Variants in LEMD1 observed in about 807,000 individuals in gnomAD.
LEMD1 encodes LEM domain containing 1, also known as LEM domain-containing protein 1.
LEMD1 carries 18 observed loss-of-function variants against 17.4 expected under a neutral mutation model. That is an observed-to-expected ratio of 1.04 (90% CI 0.72 to 1.54). The LOEUF is 1.54. Among genes scored for constraint, LEMD1 ranks in the 40% most tolerant of loss-of-function variants. The pLI is 0.00. For synonymous variants in LEMD1, 88 were observed against 77.8 expected (o/e 1.13, Z -0.69); for missense variants, 195 against 210.4 (o/e 0.93, Z 0.45).
At chr1:205,394,122 T>C (rs1197843290) in intron 4 of LEMD1, among the ~76,000 whole-genome samples, 2 of 147,434 alleles carry the variant, frequency 1.4e-5, no homozygotes, top group Non-Finnish European at 3.0e-5. Flanking sequence ...ACATCACACA[T>C]TGAATGATTC....
At chr1:205,440,084 A>C (rs973808401) in intron 1 of LEMD1, among the ~76,000 whole-genome samples, 1 of 152,082 alleles carries the variant, frequency 6.6e-6, no homozygotes, top group African/African-American at 2.4e-5. Flanking sequence ...GAGAAGAAAA[A>C]GGCAGGGGAG....
chr1:205,412,986 T>C (rs922513228), intron 4 of LEMD1, among the ~76,000 whole-genome samples: 2 of 152,232 alleles, frequency 1.3e-5, no homozygotes, highest in African/African-American at 4.8e-5. Flanking sequence ...AATGAGCTAT[T>C]TGGAAGTTAA....
intron 4 of LEMD1, among the ~76,000 whole-genome samples, chr1:205,392,883 C>G (rs1664407057): frequency 6.6e-6 from 1 of 152,024 alleles, no homozygotes; most frequent in Non-Finnish European, 1.5e-5. Context: ...TCAGATAAAC[C>G]TAAAGAAATC....
chr1:205,427,061 C>T (rs987950779), intron 1 of LEMD1, among the ~76,000 whole-genome samples: 8 of 151,992 alleles, frequency 5.3e-5, no homozygotes, highest in Non-Finnish European at 7.4e-5. Context: ...GAACAGGCTC[C>T]GGGGTCATAC....
At chr1:205,428,340 G>C (rs1666083017) in intron 1 of LEMD1, among the ~76,000 whole-genome samples, 1 of 152,108 alleles carries the variant, frequency 6.6e-6, no homozygotes, top group African/African-American at 2.4e-5. Flanking sequence ...GCTACGGAGG[G>C]GATGAGAGGA....
At chr1:205,439,104 C>A (rs1666252992) in intron 1 of LEMD1, among the ~76,000 whole-genome samples, 1 of 152,164 alleles carries the variant, frequency 6.6e-6, no homozygotes, top group African/African-American at 2.4e-5. Context: ...CACATGCCCT[C>A]CAGGAGGCTC....
rs183581932 is a variant in LEMD1, at chr1:205,389,467, T to A, written c.271-5103A>T. ...TATATTTACCGTGTAGGCTTGAAGT[T>A]GGCCAAAATTTCACAGGCTGACACC... On this transcript the variant is annotated intron_variant, in intron 4 of 5. Transcript: ENST00000367153. 8.3e-4 allele frequency among the ~76,000 whole-genome samples: 126 copies of A among 152,314 alleles called. 1 individual carries two copies. Among genetic ancestry groups the A allele is most frequent in the African/African-American group, 2.9e-3 (122 of 41,570 alleles).
chr1:205,424,076 G>C (rs1666026324), upstream of LEMD1, among the ~76,000 whole-genome samples: 1 of 152,150 alleles, frequency 6.6e-6, no homozygotes, highest in South Asian at 2.1e-4. Context: ...CCATTCTTTG[G>C]AAGAATGCAC....
At chr1:205,431,477 T>C (rs2102453813) in intron 1 of LEMD1, among the ~76,000 whole-genome samples, 1 of 152,324 alleles carries the variant, frequency 6.6e-6, no homozygotes, top group Non-Finnish European at 1.5e-5. Context: ...ATTTTCCATA[T>C]GAAAAACAGA....
At chr1:205,401,548 G>GT (rs1378233702) in intron 4 of LEMD1, among the ~76,000 whole-genome samples, 3 of 151,780 alleles carry the variant, frequency 2.0e-5, no homozygotes, top group Admixed American at 6.6e-5. Context: ...GGGGTTGTTT[G>GT]TTTTTTTCTT....
chr1:205,408,502 C>CT (rs573634699), intron 4 of LEMD1, among the ~76,000 whole-genome samples: 33,708 of 136,710 alleles, frequency 0.25, 4,259 homozygotes, highest in South Asian at 0.39. Flanking sequence ...TTCTTTCTTT[C>CT]TTTTTTTTTT....
chr1:205,403,295 C>A (rs1289633264), intron 4 of LEMD1, among the ~76,000 whole-genome samples: 2 of 151,792 alleles, frequency 1.3e-5, no homozygotes, highest in Non-Finnish European at 2.9e-5. Flanking sequence ...CCTCCTTGTA[C>A]CTCTGGTAGA....
chr1:205,437,213 G>A (rs1385326814), intron 1 of LEMD1: 1 of 152,400 alleles, frequency 6.6e-6, no homozygotes, highest in Non-Finnish European at 1.5e-5. Flanking sequence ...CACATGAGGA[G>A]CTGTGCAAAG....
At position 205,442,751 on chromosome 1, in the gene LEMD1, C is replaced by T. The variant is rs923086653; in HGVS notation, c.-39+7117G>A. Among the ~76,000 whole-genome samples the T allele has an allele frequency of 2.0e-5, 3 of 152,286 alleles. No individual in the cohort carries two copies. In the East Asian group the frequency reaches 5.8e-4, roughly 29 times the overall value. ...AGTATATATAGTTAGCAGAGAGCAA[C>T]CTCCAGGATATATATAGAGCCAAGA... On this transcript the variant is annotated intron_variant, in intron 1 of 3. Coordinates refer to the LEMD1 transcript ENST00000367154.
intron 1 of LEMD1, among the ~76,000 whole-genome samples, chr1:205,444,254 CCA>C (rs1235676997): frequency 3.9e-5 from 6 of 152,126 alleles, no homozygotes; most frequent in Non-Finnish European, 7.4e-5. Context: ...CCTCCTGCTA[CCA>C]CACAGTTGGC....
intron 1 of LEMD1, among the ~76,000 whole-genome samples, chr1:205,444,115 A>G (rs1381720389): frequency 1.3e-5 from 2 of 151,952 alleles, no homozygotes; most frequent in Non-Finnish European, 2.9e-5. Context: ...TCATCATGGG[A>G]ACTCCCCTCC....
intron 4 of LEMD1, among the ~76,000 whole-genome samples, chr1:205,404,105 G>A (rs1182513418): frequency 6.6e-6 from 1 of 151,588 alleles, no homozygotes; most frequent in Non-Finnish European, 1.5e-5. Context: ...ATTTGCTGAG[G>A]AGAGCTTTAC....
chr1:205,449,612 A>G (rs1666460230), intron 1 of LEMD1, among the ~76,000 whole-genome samples: 1 of 150,302 alleles, frequency 6.7e-6, no homozygotes, highest in Non-Finnish European at 1.5e-5. Context: ...AGCACAGCAC[A>G]GCACGCCCCT....
At chr1:205,435,926 C>T (rs924094035) in intron 1 of LEMD1, 1 of 152,260 alleles carries the variant, frequency 6.6e-6, no homozygotes, top group Non-Finnish European at 1.5e-5. Flanking sequence ...TTTTTCCCAT[C>T]CTCAGGCCTC....
Sources: allele counts gnomAD v4.1 joint callset (sites outside exome capture counted in the v4.1 genomes callset), GRCh38; gene constraint gnomAD v4.1.1; transcripts MANE v1.5; gene names NCBI Gene and HGNC (gene_info 2026-07-23, HGNC 2026-07-21).